The following CALCRL variants were observed in gnomAD, a reference collection of about 807,000 sequenced individuals.
CALCRL encodes the protein calcitonin gene-related peptide type 1 receptor.
In CALCRL, 27 loss-of-function variants were observed where a neutral mutation model predicts 60.4. The ratio of observed to expected loss-of-function variants is 0.45; its 90% CI spans 0.33 to 0.62. CALCRL has a LOEUF of 0.62. Ranked by LOEUF, CALCRL falls within the 20% of genes least tolerant of loss-of-function variation. The pLI, the probability that CALCRL is intolerant of heterozygous loss-of-function variation, is 0.03. For missense variants in CALCRL, 424 were observed against 540.7 expected (o/e 0.78, Z 2.14); for synonymous variants, 190 against 182.6 (o/e 1.04, Z -0.33).
At chr2:187,353,936 A>C (rs1425652861) in intron 12 of CALCRL, among the ~76,000 whole-genome samples, 1 of 135,398 alleles carries the variant, frequency 7.4e-6, no homozygotes, top group African/African-American at 2.8e-5. Flanking sequence ...TGAAACTAGA[A>C]ACTAGAGTTG....
At chr2:187,368,446 A>G (rs1687388790) in intron 8 of CALCRL, among the ~76,000 whole-genome samples, 2 of 152,116 alleles carry the variant, frequency 1.3e-5, no homozygotes, top group South Asian at 4.1e-4. Flanking sequence ...CAGAATTTCC[A>G]TATGATGAAG....
At chr2:187,366,931 C>T (rs988201719) in intron 8 of CALCRL, among the ~76,000 whole-genome samples, 2 of 150,174 alleles carry the variant, frequency 1.3e-5, no homozygotes, top group African/African-American at 4.9e-5. Context: ...CACACACACA[C>T]ACACACACAC....
At chr2:187,365,444 A>G (rs764506243) in intron 8 of CALCRL, among the ~76,000 whole-genome samples, 1 of 152,172 alleles carries the variant, frequency 6.6e-6, no homozygotes, top group Non-Finnish European at 1.5e-5. Flanking sequence ...TGTTTTTAGT[A>G]ATACAATATA....
chr2:187,382,854 A>G (rs1015989045), intron 5 of CALCRL, among the ~76,000 whole-genome samples: 2 of 152,142 alleles, frequency 1.3e-5, no homozygotes, highest in Non-Finnish European at 2.9e-5. Flanking sequence ...AGAAATACAC[A>G]ATTACATAAA....
At chr2:187,387,132 C>T (rs1688240683) in intron 3 of CALCRL, among the ~76,000 whole-genome samples, 197 bp downstream of exon 3, 1 of 152,090 alleles carries the variant, frequency 6.6e-6, no homozygotes, top group South Asian at 2.1e-4. Context: ...TTGCCACTGA[C>T]CTGTAAGCTT....
At chr2:187,375,429 G>A (rs570961522) in intron 8 of CALCRL, among the ~76,000 whole-genome samples, 2 of 152,184 alleles carry the variant, frequency 1.3e-5, no homozygotes, top group South Asian at 4.1e-4. Flanking sequence ...TCAAGTGGAA[G>A]TAAGGTAATT....
chr2:187,381,013 A>G (rs1242180344), intron 5 of CALCRL, among the ~76,000 whole-genome samples: 1 of 152,066 alleles, frequency 6.6e-6, no homozygotes, highest in Non-Finnish European at 1.5e-5. Flanking sequence ...TAAATATATA[A>G]AGTTTAGATT....
intron 1 of CALCRL, among the ~76,000 whole-genome samples, chr2:187,414,070 C>CACTCAATAAATT (rs1191438576): frequency 6.6e-6 from 1 of 152,074 alleles, no homozygotes; most frequent in African/African-American, 2.4e-5. Context: ...TGGCACACAA[C>CACTCAATAAATT]ACTCAATAAA....
chr2:187,378,740 T>C (rs1386494271), intron 8 of CALCRL, among the ~76,000 whole-genome samples, 200 bp downstream of exon 8: 1 of 152,168 alleles, frequency 6.6e-6, no homozygotes, highest in African/African-American at 2.4e-5. Flanking sequence ...CCTACTAATT[T>C]TGTAAAATTC....
intron 1 of CALCRL, among the ~76,000 whole-genome samples, chr2:187,425,547 A>G (rs1349390385): frequency 2.0e-5 from 3 of 152,018 alleles, no homozygotes; most frequent in Non-Finnish European, 2.9e-5. Context: ...CTGTAAGTGA[A>G]GTTTATGAAA....
intron 1 of CALCRL, among the ~76,000 whole-genome samples, chr2:187,401,291 A>T (rs1574278767): frequency 1.3e-5 from 2 of 151,666 alleles, no homozygotes; most frequent in Admixed American, 1.3e-4. Context: ...GAGACAGATG[A>T]TATTCACATT....
chr2:187,443,305 C>A (rs1355467563), intron 1 of CALCRL, among the ~76,000 whole-genome samples: 1 of 151,792 alleles, frequency 6.6e-6, no homozygotes, highest in Non-Finnish European at 1.5e-5. Flanking sequence ...TCATTCACAA[C>A]AGACTTAAGG....
In CALCRL at chr2:187,383,225, A is replaced by G. The variant is rs1688052423; in HGVS notation, c.132T>C (p.Ala44=). The part of the protein sequence containing the change: ...LGVTRNKIMT[A]QYECYQKIMQ... ...TAATCTTTTGGTAACATTCATATTG[A>G]GCTGTCATGATTTTATTTCTAGTAA... Residue 44 remains alanine, a synonymous_variant, in exon 5 of 15, where the codon GCT becomes GCC. Transcript: ENST00000392370. 1 of 1,612,652 alleles carries G rather than the reference A, an allele frequency of 6.2e-7. No individual in the cohort carries two copies. The highest frequency in any genetic ancestry group is 1.3e-5 in the African/African-American group (1 of 74,804).
At chr2:187,419,451 G>A (rs557129949) in intron 1 of CALCRL, among the ~76,000 whole-genome samples, 2 of 152,096 alleles carry the variant, frequency 1.3e-5, no homozygotes, top group East Asian at 1.9e-4. Context: ...CTTGATCTTG[G>A]ACTTCCAGTT....
chr2:187,397,206 T>C, intron 1 of CALCRL, among the ~76,000 whole-genome samples: 1 of 151,744 alleles, frequency 6.6e-6, no homozygotes, highest in East Asian at 1.9e-4. Context: ...GTAATTTCAA[T>C]AACACTGTAT....
intron 1 of CALCRL, chr2:187,442,162 A>G (rs1690950929): frequency 6.7e-6 from 1 of 148,590 alleles, no homozygotes; most frequent in Non-Finnish European, 1.5e-5. Context: ...ACACACACAT[A>G]TATACGCACA....
At chr2:187,420,211 T>C (rs1689808106) in intron 1 of CALCRL, among the ~76,000 whole-genome samples, 1 of 152,206 alleles carries the variant, frequency 6.6e-6, no homozygotes, top group Admixed American at 6.5e-5. Flanking sequence ...TGAGTATCTT[T>C]AAAAGAGAGG....
chr2:187,348,777 C>T (rs1686397127), intron 14 of CALCRL, among the ~76,000 whole-genome samples: 1 of 151,524 alleles, frequency 6.6e-6, no homozygotes, highest in Non-Finnish European at 1.5e-5. Flanking sequence ...CATTTTTCTT[C>T]TGCTTCCTCT....
intron 8 of CALCRL, among the ~76,000 whole-genome samples, chr2:187,363,771 A>G (rs372381178): frequency 3.9e-5 from 6 of 152,162 alleles, no homozygotes; most frequent in Non-Finnish European, 7.4e-5. Flanking sequence ...GACTTTCTCT[A>G]TTAATTTCTG....
Sources: gnomAD v4.1 joint callset for allele counts (sites outside exome capture counted in the v4.1 genomes callset) on GRCh38, gnomAD v4.1.1 for gene constraint, MANE v1.5 for transcripts, NCBI Gene and HGNC (gene_info 2026-07-23, HGNC 2026-07-21) for gene names.